Variants in MTMR3 observed in about 807,000 individuals in gnomAD.
MTMR3 encodes phosphatidylinositol-3,5-bisphosphate 3-phosphatase MTMR3.
Under a neutral mutation model 132.4 loss-of-function variants are expected in MTMR3, and 32 were observed. The ratio of observed to expected loss-of-function variants is 0.24; its 90% CI spans 0.18 to 0.32. MTMR3 has a LOEUF of 0.32. MTMR3 is among the 10% of genes least tolerant of loss of function. MTMR3 has a pLI of 1.00. For synonymous variants in MTMR3, 556 were observed against 550.3 expected, an observed-to-expected ratio of 1.01 and a Z score of -0.14; for missense variants, 1,216 against 1,489.6, an observed-to-expected ratio of 0.82 and a Z score of 3.02.
chr22:30,018,126 G>T, intron 16 of MTMR3, 54 bp downstream of exon 16: 1 of 1,524,568 alleles, frequency 6.6e-7, no homozygotes, highest in South Asian at 1.3e-5. Flanking sequence ...GTATTCCTGT[G>T]TTGGGACGTG....
intron 1 of MTMR3, among the ~76,000 whole-genome samples, chr22:29,916,904 T>C (rs1002796068): frequency 6.6e-6 from 1 of 152,218 alleles, no homozygotes; most frequent in Non-Finnish European, 1.5e-5. Context: ...TGCTCCCTAA[T>C]GCCTACAGTT....
intron 8 of MTMR3, 180 bp from the exon 9 acceptor site, chr22:30,002,700 G>A (rs2067200547): frequency 1.9e-6 from 1 of 527,132 alleles, no homozygotes; most frequent in African/African-American, 1.9e-5. Flanking sequence ...ACACACTTAT[G>A]GTAACCCATT....
chr22:29,933,190 GATCTCCTGACCTCA>G (rs1418435304), intron 1 of MTMR3, among the ~76,000 whole-genome samples: 1 of 151,962 alleles, frequency 6.6e-6, no homozygotes, highest in Admixed American at 6.6e-5. Flanking sequence ...GGATGGTCTT[GATCTCCTGACCTCA>G]TGATCCACCT....
intron 7 of MTMR3, chr22:29,997,509 G>A (rs1179596030): frequency 6.6e-6 from 1 of 152,194 alleles, no homozygotes; most frequent in African/African-American, 2.4e-5. Context: ...GACTGTGTAT[G>A]TTTTCAAGGA....
At chr22:29,986,627 T>A in intron 5 of MTMR3, 1 of 972,914 alleles carries the variant, frequency 1.0e-6, no homozygotes, top group East Asian at 1.1e-4. Context: ...GCTCCTTTTG[T>A]TCTCAGAACA....
intron 7 of MTMR3, chr22:29,994,238 A>G (rs1265245820): frequency 1.6e-6 from 1 of 631,402 alleles, no homozygotes; most frequent in Non-Finnish European, 2.0e-6. Context: ...TTCCCAGTAT[A>G]CACAGTCCAC....
chr22:29,982,573 C>G (rs555456564), intron 5 of MTMR3: 1 of 152,318 alleles, frequency 6.6e-6, no homozygotes, highest in Admixed American at 6.5e-5. Flanking sequence ...TGCCCCAGTT[C>G]ATCATTTTGT....
intron 1 of MTMR3, among the ~76,000 whole-genome samples, chr22:29,890,827 T>A (rs1256791896): frequency 2.0e-5 from 3 of 151,844 alleles, no homozygotes; most frequent in African/African-American, 7.3e-5. Context: ...GTCTTCAAAC[T>A]TTTTGGTTGC....
intron 1 of MTMR3, among the ~76,000 whole-genome samples, chr22:29,896,869 T>TCTCAGACACA (rs145703649): frequency 7.2e-6 from 1 of 138,148 alleles, no homozygotes. Flanking sequence ...CAGGCTTGTC[T>TCTCAGACACA]CACACACACA....
chr22:29,903,394 T>C lies in MTMR3; in HGVS notation c.-138+20035T>C, dbSNP rs554199024. On this transcript the variant is annotated intron_variant, in intron 1 of 19. Transcript: ENST00000401950. ...TTTCTTTTTTTCTTTTTCTTTCTTT[T>C]TTTTTTTTTTTTTTGAGACAGGGTC... Among the ~76,000 whole-genome samples, 709 of 144,828 alleles carry C rather than the reference T, an allele frequency of 4.9e-3. 7 individuals are homozygous for C. Among genetic ancestry groups the C allele is most frequent in the African/African-American group, 0.016 (640 of 39,928 alleles).
intron 1 of MTMR3, among the ~76,000 whole-genome samples, chr22:29,918,111 G>A (rs1264652573): frequency 6.6e-6 from 1 of 152,196 alleles, no homozygotes; most frequent in Non-Finnish European, 1.5e-5. Context: ...TATTGCTAAT[G>A]CGGTGAGTTT....
chr22:29,976,465 C>T (rs2066631793), intron 3 of MTMR3, among the ~76,000 whole-genome samples: 1 of 152,132 alleles, frequency 6.6e-6, no homozygotes, highest in Non-Finnish European at 1.5e-5. Context: ...CTTTGTGACA[C>T]CGTAATATTG....
intron 1 of MTMR3, among the ~76,000 whole-genome samples, chr22:29,887,916 A>C (rs1330832260): frequency 6.6e-6 from 1 of 152,228 alleles, no homozygotes; most frequent in Non-Finnish European, 1.5e-5. Context: ...TGATAGCTGC[A>C]GATATTCAGA....
chr22:29,978,401 T>G, intron 3 of MTMR3, 41 bp from the exon 4 acceptor site: 1 of 1,523,630 alleles, frequency 6.6e-7, no homozygotes, highest in South Asian at 1.1e-5. Flanking sequence ...TATGAATGAT[T>G]AGAAGCTTTG....
rs1652020279 is a variant in MTMR3 at position 30,020,975 on chromosome 22, A to G, written c.3225+91A>G. On this transcript the variant is annotated intron_variant, in intron 17 of 19. Coordinates refer to ENST00000401950, the MANE Select transcript of MTMR3 (RefSeq NM_021090.4). ...TTGTGCCCAGTGCATGGTGATTGGT[A>G]CAGGTTGTTAAAGGATTGGAAAGGT... 2.3e-6 allele frequency: 3 copies of G among 1,283,802 alleles called. No homozygotes were observed. The Admixed American group carries it at 7.4e-5, about 32-fold the overall frequency. 79.5% of individuals were successfully genotyped at this position (1,283,802 alleles called of 1,614,324 possible).
intron 1 of MTMR3, among the ~76,000 whole-genome samples, chr22:29,889,862 T>TCA (rs2064758743): frequency 6.6e-6 from 1 of 151,840 alleles, no homozygotes; most frequent in African/African-American, 2.4e-5. Flanking sequence ...GACATTGAAT[T>TCA]GCATTGAATT....
At chr22:29,979,609 A>G (rs548232968) in intron 5 of MTMR3, 1 of 159,786 alleles carries the variant, frequency 6.3e-6, no homozygotes, top group African/African-American at 2.4e-5. Flanking sequence ...TTTAACAGTG[A>G]ATGATTTGCA....
chr22:29,995,595 CACTA>C, intron 7 of MTMR3: 1 of 152,192 alleles, frequency 6.6e-6, no homozygotes, highest in East Asian at 1.9e-4. Context: ...TTATAAGAAA[CACTA>C]AATGCTGAAA....
chr22:29,966,726 C>CGTGCGTGTGTGT (rs1484648091), intron 2 of MTMR3, among the ~76,000 whole-genome samples: 11 of 142,970 alleles, frequency 7.7e-5, no homozygotes, highest in African/African-American at 2.8e-4. Context: ...TAGGGGTGTG[C>CGTGCGTGTGTGT]GTGTGTGTGT....
Sources: gnomAD v4.1 joint callset for allele counts (sites outside exome capture counted in the v4.1 genomes callset) on GRCh38, gnomAD v4.1.1 for gene constraint, MANE v1.5 for transcripts, NCBI Gene and HGNC (gene_info 2026-07-23, HGNC 2026-07-21) for gene names.